MIPOL1: variants seen among roughly 807,000 people sequenced by gnomAD.
MIPOL1 encodes the protein mirror-image polydactyly 1.
In MIPOL1, 57 loss-of-function variants were observed where a neutral mutation model predicts 60.9. The observed-to-expected ratio is 0.94, with a 90% confidence interval of 0.76 to 1.17. The LOEUF is 1.17. MIPOL1 is among the 50% of genes most tolerant of loss of function. The pLI, the probability that MIPOL1 is intolerant of heterozygous loss-of-function variation, is 0.00. For synonymous variants in MIPOL1, 179 were observed against 168.8 expected (o/e 1.06, Z -0.47); for missense variants, 551 against 511.6 (o/e 1.08, Z -0.74).
At chr14:37,387,991 GC>G (rs1249643562) in intron 10 of MIPOL1, among the ~76,000 whole-genome samples, 3 of 151,830 alleles carry the variant, frequency 2.0e-5, no homozygotes, top group African/African-American at 7.2e-5. Context: ...TTAAAACGAT[GC>G]AAATGTTTGA....
chr14:37,377,610 C>T (rs976805756), intron 10 of MIPOL1, among the ~76,000 whole-genome samples: 8 of 152,066 alleles, frequency 5.3e-5, no homozygotes, highest in African/African-American at 1.4e-4. Context: ...ATTAATGGTA[C>T]TACCATCCTT....
intron 11 of MIPOL1, among the ~76,000 whole-genome samples, chr14:37,434,125 T>G (rs1483394086): frequency 6.6e-6 from 1 of 152,182 alleles, no homozygotes; most frequent in East Asian, 1.9e-4. Flanking sequence ...TCCAAAATGG[T>G]TGAACTAATT....
At chr14:37,481,688 T>C (rs2094873375) in intron 11 of MIPOL1, among the ~76,000 whole-genome samples, 1 of 147,956 alleles carries the variant, frequency 6.8e-6, no homozygotes, top group African/African-American at 2.5e-5. Context: ...TTTCAAATAA[T>C]ACAACAGAGC....
rs115130374 is a variant in MIPOL1, at chr14:37,519,852, C to T, written c.1262+19714C>T. Among the ~76,000 whole-genome samples, 1,083 of 152,148 alleles carry T rather than the reference C, an allele frequency of 7.1e-3. 17 individuals carry two copies. The highest frequency in any genetic ancestry group is 0.023 in the African/African-American group (948 of 41,516). ...GAACAATTGTGGTTCTTCCACCTTG[C>T]GGAATTTGGCCAGGTTTTTAATTAT... On this transcript the variant is annotated intron_variant, in intron 12 of 12. Coordinates refer to ENST00000684589, the MANE Select transcript of MIPOL1 (RefSeq NM_001388067.1).
chr14:37,510,484 G>A (rs1006562301), intron 12 of MIPOL1, among the ~76,000 whole-genome samples: 9 of 152,034 alleles, frequency 5.9e-5, no homozygotes, highest in Admixed American at 1.3e-4. Flanking sequence ...CAATCTGCCC[G>A]CCTCAGCCTC....
At chr14:37,239,865 C>G (rs1048571576) in intron 1 of MIPOL1, among the ~76,000 whole-genome samples, 1 of 152,146 alleles carries the variant, frequency 6.6e-6, no homozygotes, top group Non-Finnish European at 1.5e-5. Context: ...ATTTTACTAT[C>G]TTTAAAATCT....
intron 9 of MIPOL1, among the ~76,000 whole-genome samples, chr14:37,342,372 A>T (rs2090631243): frequency 6.6e-6 from 1 of 151,538 alleles, no homozygotes; most frequent in Admixed American, 6.6e-5. Flanking sequence ...AAAAAAAAGC[A>T]TGCTAAGAAT....
rs1490555198 is a variant in MIPOL1 at position 37,247,108 on chromosome 14, C to T, written c.-193C>T. On this transcript the variant is annotated 5_prime_UTR_variant, in exon 2 of 13. Transcript: ENST00000684589. ...ATAACTTCCTATATTTTCAGCTAAT[C>T]CAAAAGTAAATGAGAAACTTAGAAA... 1 of 152,218 alleles carries T rather than the reference C, an allele frequency of 6.6e-6. No homozygotes were observed. Among genetic ancestry groups the T allele is most frequent in the African/African-American group, 2.4e-5 (1 of 41,346 alleles). 9.4% of individuals were successfully genotyped at this position (152,218 alleles called of 1,614,324 possible).
chr14:37,337,348 ATATATATATTTTTTTTTTTTT>A (rs1296102132), intron 9 of MIPOL1, among the ~76,000 whole-genome samples: 1 of 33,652 alleles, frequency 3.0e-5, no homozygotes, highest in African/African-American at 1.6e-4. Flanking sequence ...ATATATATAT[ATATATATATTTTTTTTTTTTT>A]TTTTTTTTTT....
chr14:37,219,042 A>T (rs997962687), intron 1 of MIPOL1, among the ~76,000 whole-genome samples: 1 of 152,182 alleles, frequency 6.6e-6, no homozygotes, highest in Non-Finnish European at 1.5e-5. Flanking sequence ...ACCTCAATAT[A>T]GAAGTGGGTT....
chr14:37,338,365 C>G (rs1239965319), intron 9 of MIPOL1, among the ~76,000 whole-genome samples: 2 of 151,532 alleles, frequency 1.3e-5, no homozygotes, highest in African/African-American at 4.9e-5. Context: ...TCGCCTTGGC[C>G]TCCCAAAGTG....
chr14:37,245,636 A>G lies in MIPOL1; in HGVS notation c.-198-1467A>G, dbSNP rs1478146103. 2.0e-5 allele frequency among the ~76,000 whole-genome samples: 3 copies of G among 152,148 alleles called. No individual in the cohort carries two copies. The East Asian group carries it at 5.8e-4, about 29-fold the overall frequency. On this transcript the variant is annotated intron_variant, in intron 1 of 12. Transcript: ENST00000684589. Reference sequence around the variant, plus strand: ...TAATTTATTACTCTCTTCGTCTCCAAAAATATTGGTGTAGTGTTAAGCATT... The same window carrying G: ...TAATTTATTACTCTCTTCGTCTCCAGAAATATTGGTGTAGTGTTAAGCATT...
At chr14:37,259,598 T>C in intron 3 of MIPOL1, among the ~76,000 whole-genome samples, 1 of 151,848 alleles carries the variant, frequency 6.6e-6, no homozygotes, top group Non-Finnish European at 1.5e-5. Flanking sequence ...AAGAAATCAC[T>C]GTCTGTGCTT....
chr14:37,320,272 T>C (rs1398144690), intron 9 of MIPOL1, among the ~76,000 whole-genome samples: 2 of 152,140 alleles, frequency 1.3e-5, no homozygotes, highest in Non-Finnish European at 2.9e-5. Context: ...ACAGCAGCAA[T>C]GTAAGTGAGT....
intron 10 of MIPOL1, among the ~76,000 whole-genome samples, chr14:37,404,880 C>T (rs2093558183): frequency 6.6e-6 from 1 of 152,104 alleles, no homozygotes; most frequent in African/African-American, 2.4e-5. Flanking sequence ...TTAACAAAAG[C>T]CTAATTGCTG....
At chr14:37,310,797 C>T (rs956153370) in intron 9 of MIPOL1, among the ~76,000 whole-genome samples, 7 of 152,204 alleles carry the variant, frequency 4.6e-5, no homozygotes, top group East Asian at 3.9e-4. Context: ...GACTCCTGGA[C>T]GATCCTGTAT....
chr14:37,379,824 G>C (rs2153507753), intron 10 of MIPOL1, among the ~76,000 whole-genome samples: 1 of 152,172 alleles, frequency 6.6e-6, no homozygotes, highest in East Asian at 1.9e-4. Flanking sequence ...TGTATAATGT[G>C]TATGTAATAC....
At chr14:37,497,536 C>T (rs921489483) in intron 11 of MIPOL1, among the ~76,000 whole-genome samples, 9 of 152,104 alleles carry the variant, frequency 5.9e-5, no homozygotes, top group Admixed American at 5.2e-4. Flanking sequence ...GAGAACTTAC[C>T]TTCATCAAAA....
chr14:37,201,786 C>T (rs1965383622), intron 1 of MIPOL1, among the ~76,000 whole-genome samples: 1 of 152,150 alleles, frequency 6.6e-6, no homozygotes, highest in African/African-American at 2.4e-5. Flanking sequence ...ATTCAGCCCA[C>T]CATCCATGTT....
Sources: allele counts gnomAD v4.1 joint callset (sites outside exome capture counted in the v4.1 genomes callset), GRCh38; gene constraint gnomAD v4.1.1; transcripts MANE v1.5; gene names NCBI Gene and HGNC (gene_info 2026-07-23, HGNC 2026-07-21).